Variants in DMD observed in about 807,000 individuals in gnomAD.
The protein encoded by DMD is dystrophin.
Under a neutral mutation model 330.1 loss-of-function variants are expected in DMD, and 63 were observed. The observed-to-expected ratio is 0.19, with a 90% CI of 0.16 to 0.24. The LOEUF is 0.24. Among genes scored for constraint, DMD ranks in the 10% least tolerant of loss-of-function variants. The pLI, the probability that DMD is intolerant of heterozygous loss-of-function variation, is 1.00. For synonymous variants in DMD, 1,223 were observed against 959.8 expected (o/e 1.27, Z -5.07); for missense variants, 3,344 against 2,684.1 (o/e 1.25, Z -5.43).
In DMD at chrX:32,642,426, C is replaced by A. The variant is rs931243696; in HGVS notation, c.1331+1706G>T. ...CTCTTGAATCTTCCCTAAGGACAAA[C>A]TAATTTTTTATGTCAATCTCAGCTA... On this transcript the variant is annotated intron_variant, in intron 11 of 78. Coordinates refer to ENST00000357033, the MANE Select transcript of DMD (RefSeq NM_004006.3). Among the ~76,000 whole-genome samples, 8 of 111,724 alleles carry A rather than the reference C, an allele frequency of 7.2e-5. No individual in the cohort carries two copies. The East Asian group carries it at 2.0e-3, about 28-fold the overall frequency.
At chrX:31,584,272 C>A (rs2076482226) in intron 55 of DMD, among the ~76,000 whole-genome samples, 1 of 109,413 alleles carries the variant, frequency 9.1e-6, no homozygotes, top group South Asian at 4.1e-4. Flanking sequence ...CCCCACCCCC[C>A]GACAGGCCTC....
chrX:32,615,018 C>T (rs1212971790), intron 11 of DMD, among the ~76,000 whole-genome samples: 1 of 111,050 alleles, frequency 9.0e-6, no homozygotes, highest in East Asian at 2.8e-4. Flanking sequence ...GGCTACACTA[C>T]CGAATCATTA....
intron 47 of DMD, among the ~76,000 whole-genome samples, chrX:31,902,451 G>T (rs2094434302): frequency 9.0e-6 from 1 of 111,625 alleles, no homozygotes; most frequent in African/African-American, 3.2e-5. Context: ...TATAACTTCT[G>T]TGACTCAAAT....
chrX:32,247,415 T>C (rs916911173), intron 43 of DMD, among the ~76,000 whole-genome samples: 3 of 112,022 alleles, frequency 2.7e-5, no homozygotes, highest in African/African-American at 9.7e-5. Context: ...CTTTTAAATA[T>C]TGAGCCAGAT....
intron 13 of DMD, among the ~76,000 whole-genome samples, chrX:32,580,317 C>A (rs1326294765): frequency 8.9e-6 from 1 of 112,049 alleles, no homozygotes; most frequent in East Asian, 2.8e-4. Flanking sequence ...GGTGGCTTTC[C>A]CCACCCAACT....
chrX:33,126,933 A>G (rs1020649962), intron 1 of DMD, among the ~76,000 whole-genome samples: 2 of 111,918 alleles, frequency 1.8e-5, no homozygotes, highest in Non-Finnish European at 3.8e-5. Context: ...ATACAGATAT[A>G]AAATTAAAAA....
chrX:32,067,263 A>T (rs775219192), intron 44 of DMD, among the ~76,000 whole-genome samples: 1 of 111,928 alleles, frequency 8.9e-6, no homozygotes, highest in Non-Finnish European at 1.9e-5. Context: ...ATGACTTGAT[A>T]CAAAGAATAC....
chrX:32,301,222 TA>T (rs56329666), intron 42 of DMD, among the ~76,000 whole-genome samples: 103 of 74,620 alleles, frequency 1.4e-3, no homozygotes, highest in East Asian at 2.1e-3. Context: ...TGCATACATC[TA>T]AAAAAAAAAA....
intron 44 of DMD, among the ~76,000 whole-genome samples, chrX:32,146,608 G>A (rs1171466470): frequency 1.8e-5 from 2 of 112,057 alleles, no homozygotes; most frequent in Non-Finnish European, 3.8e-5. Flanking sequence ...CATACTAAGA[G>A]CTCAGCAAGT....
chrX:31,891,411 G>T (rs138615395), intron 47 of DMD, among the ~76,000 whole-genome samples: 3 of 111,937 alleles, frequency 2.7e-5, no homozygotes, highest in Non-Finnish European at 5.6e-5. Flanking sequence ...ATTCTGCGAG[G>T]ATTGTTGCCA....
chrX:32,613,995 A>T (rs1045291677), intron 12 of DMD, among the ~76,000 whole-genome samples: 4 of 110,035 alleles, frequency 3.6e-5, no homozygotes, highest in Non-Finnish European at 7.6e-5. Flanking sequence ...GGGTCAAGAG[A>T]TAGGAGAACA....
intron 2 of DMD, among the ~76,000 whole-genome samples, chrX:32,977,424 G>A (rs919661817): frequency 5.4e-5 from 6 of 111,516 alleles, no homozygotes; most frequent in African/African-American, 2.0e-4. Context: ...TTAGGACTGT[G>A]GCCGACTTGG....
In DMD at chrX:31,245,826, C is replaced by G. The variant is rs761756015; in HGVS notation, c.9286+15129G>C. Among the ~76,000 whole-genome samples the G allele has an allele frequency of 2.7e-5, 3 of 111,607 alleles. No homozygotes were observed. In the East Asian group the frequency reaches 8.4e-4, roughly 31 times the overall value. On this transcript the variant is annotated intron_variant, in intron 63 of 78. Coordinates refer to ENST00000357033, the MANE Select transcript of DMD (RefSeq NM_004006.3). ...CCACCGACCAGCTGTTCCCCCATCT[C>G]TTTCCCTCTCCTCTGGCCTTCCTGT...
In DMD at chrX:32,815,664, A is replaced by ATTAATTCAT. The variant is rs1345013268; in HGVS notation, c.530+795_530+803dup. ...CTGCTTTGCTTTTTCTTGAACTGTTATTAATTCATTTACTGAACTTTACAC... is the reference window on the plus strand; with the variant it reads ...CTGCTTTGCTTTTTCTTGAACTGTTATTAATTCATTTAATTCATTTACTGAACTTTACAC... On this transcript the variant is annotated intron_variant, in intron 6 of 78. Coordinates refer to ENST00000357033, the MANE Select transcript of DMD (RefSeq NM_004006.3). 3.4e-3 allele frequency among the ~76,000 whole-genome samples: 368 copies of ATTAATTCAT among 108,834 alleles called. 1 individual carries two copies. The highest frequency in any genetic ancestry group is 0.012 in the African/African-American group (344 of 29,899). The allele number at this position is 108,834 out of a possible 115,157, so 94.5% of individuals were successfully genotyped here.
intron 27 of DMD, among the ~76,000 whole-genome samples, chrX:32,447,500 A>G (rs1327430975): frequency 2.7e-5 from 3 of 111,544 alleles, no homozygotes; most frequent in Non-Finnish European, 5.7e-5. Flanking sequence ...TATATGGGGT[A>G]CTTTAGCTAC....
chrX:32,352,602 T>C (rs1479140672), intron 37 of DMD, among the ~76,000 whole-genome samples: 1 of 111,249 alleles, frequency 9.0e-6, no homozygotes, highest in Non-Finnish European at 1.9e-5. Flanking sequence ...TATAGAGCTC[T>C]ATTAACCATT....
At chrX:32,700,292 A>G (rs761544002) in intron 7 of DMD, among the ~76,000 whole-genome samples, 6 of 111,315 alleles carry the variant, frequency 5.4e-5, no homozygotes, top group Non-Finnish European at 1.1e-4. Context: ...TCTGGAGGAT[A>G]TTAAGTGAAA....
At position 31,520,774 on chromosome X, in the gene DMD, G is replaced by T. The variant is rs2072673223; in HGVS notation, c.8218-13321C>A. On this transcript the variant is annotated intron_variant, in intron 55 of 78. Transcript: ENST00000357033. ...GGCTCACTGCAAGCTCCACCTCCCG[G>T]GTTCACGCCATTCTCCTGCCTCAGC... Among the ~76,000 whole-genome samples, 3 of 109,954 alleles carry T rather than the reference G, an allele frequency of 2.7e-5. No individual in the cohort carries two copies. The Admixed American group carries it at 2.9e-4, about 11-fold the overall frequency.
intron 2 of DMD, among the ~76,000 whole-genome samples, chrX:32,883,823 CAAAAAAAAAAA>C (rs56150142): frequency 0.011 from 324 of 30,335 alleles, 4 homozygotes; most frequent in African/African-American, 0.032. Flanking sequence ...GACTCTGTTT[CAAAAAAAAAAA>C]AAAAAAAAAA....
Sources: gnomAD v4.1 joint callset for allele counts (sites outside exome capture counted in the v4.1 genomes callset) on GRCh38, gnomAD v4.1.1 for gene constraint, MANE v1.5 for transcripts, NCBI Gene and HGNC (gene_info 2026-07-23, HGNC 2026-07-21) for gene names.